The following CASP2 variants were observed in gnomAD, a reference collection of about 807,000 sequenced individuals.
CASP2 encodes the protein caspase-2.
In CASP2, 38 loss-of-function variants were observed where a neutral mutation model predicts 54.4. The observed-to-expected ratio is 0.70, with a 90% CI of 0.54 to 0.92. CASP2 has a LOEUF of 0.92. CASP2 is among the 40% of genes least tolerant of loss of function. CASP2 has a pLI of 0.00. For missense variants in CASP2, 512 were observed against 579.6 expected, an observed-to-expected ratio of 0.88 and a Z score of 1.20; for synonymous variants, 215 against 216.3, an observed-to-expected ratio of 0.99 and a Z score of 0.05.
intron 1 of CASP2, among the ~76,000 whole-genome samples, chr7:143,291,314 A>G (rs913146124): frequency 6.6e-6 from 1 of 152,272 alleles, no homozygotes; most frequent in African/African-American, 2.4e-5. Flanking sequence ...CATTCATCTC[A>G]GATGATCTCA....
intron 2 of CASP2, 110 bp from the exon 3 acceptor site, chr7:143,292,190 T>C (rs1460296533): frequency 1.9e-6 from 2 of 1,080,958 alleles, no homozygotes; most frequent in Admixed American, 1.9e-5. Context: ...CATACACTTT[T>C]CCTGTAAAAA....
At chr7:143,294,424 A>T in intron 5 of CASP2, 100 bp downstream of exon 5, 1 of 1,056,926 alleles carries the variant, frequency 9.5e-7, no homozygotes, top group Non-Finnish European at 1.5e-6. Flanking sequence ...TTTCTGCCTT[A>T]TTAGTCAGAA....
At chr7:143,289,422 A>AT (rs2116756643) in intron 1 of CASP2, among the ~76,000 whole-genome samples, 1 of 152,374 alleles carries the variant, frequency 6.6e-6, no homozygotes, top group African/African-American at 2.4e-5. Flanking sequence ...GTTAAGAACT[A>AT]TAAGTCAGTA....
At chr7:143,298,260 T>A (rs1801815019) in intron 6 of CASP2, among the ~76,000 whole-genome samples, 1 of 152,254 alleles carries the variant, frequency 6.6e-6, no homozygotes, top group Non-Finnish European at 1.5e-5. Flanking sequence ...TATATGTGTG[T>A]TTTAACTCTT....
At chr7:143,298,231 G>A (rs1017015783) in intron 6 of CASP2, among the ~76,000 whole-genome samples, 3 of 152,120 alleles carry the variant, frequency 2.0e-5, no homozygotes, top group African/African-American at 4.8e-5. Context: ...TTTTTATTTT[G>A]GCAGTGTGTG....
chr7:143,293,136 T>G lies in CASP2; in HGVS notation c.475+438T>G, dbSNP rs1424788833. ...TTTGTTTTTTTTTTTTTTTGTTGTG[T>G]TTTTTTTCAGAAATAGGGTCTTGTT... On this transcript the variant is annotated intron_variant, in intron 4 of 10. Transcript: ENST00000310447. 7.7e-6 allele frequency: 5 copies of G among 652,774 alleles called. No homozygotes were observed. The African/African-American group carries it at 7.7e-5, about 10-fold the overall frequency. The allele number at this position is 652,774 out of a possible 1,614,324, so 40.4% of individuals were successfully genotyped here.
At position 143,292,241 on chromosome 7, in the gene CASP2, G is replaced by A. The variant is rs1801597231; in HGVS notation, c.226-59G>A. On this transcript the variant is annotated intron_variant, in intron 2 of 10. Coordinates refer to ENST00000310447, the MANE Select transcript of CASP2 (RefSeq NM_032982.4). ...GACACTACTAGGAAGCTCATGTGGA[G>A]AAATAGAATTATAGCTAGAGAAGTA... 3 of 1,568,246 alleles carry A rather than the reference G, an allele frequency of 1.9e-6. No individual in the cohort carries two copies. In the African/African-American group the frequency reaches 4.0e-5, roughly 21 times the overall value.
At chr7:143,296,010 A>C in intron 6 of CASP2, among the ~76,000 whole-genome samples, 1 of 152,226 alleles carries the variant, frequency 6.6e-6, no homozygotes, top group East Asian at 1.9e-4. Context: ...GTTTTGGTCT[A>C]GCCATGTCTT....
intron 6 of CASP2, among the ~76,000 whole-genome samples, chr7:143,295,563 A>G (rs760409717): frequency 3.0e-4 from 46 of 152,194 alleles, no homozygotes; most frequent in Non-Finnish European, 3.2e-4. Context: ...ACTTTCTTCA[A>G]CTTGCTTTGA....
At chr7:143,292,551 A>AT in intron 3 of CASP2, 66 bp from the exon 4 acceptor site, 2 of 1,603,822 alleles carry the variant, frequency 1.2e-6, no homozygotes, top group Non-Finnish European at 8.5e-7. Flanking sequence ...GGGAGACTAG[A>AT]TTTTGTTGTA....
Position 143,288,433 on chromosome 7 carries a change from G to T in CASP2, c.-23G>T, listed in dbSNP as rs780417725. ...GTTTGGGCTGTGGGCGGTGCGCAGCGGAGAGCCCGGGAAAAGCGGGAAATG... is the reference window on the plus strand; with the variant it reads ...GTTTGGGCTGTGGGCGGTGCGCAGCTGAGAGCCCGGGAAAAGCGGGAAATG... On this transcript the variant is annotated 5_prime_UTR_variant, in exon 1 of 11. Coordinates refer to ENST00000310447, the MANE Select transcript of CASP2 (RefSeq NM_032982.4). The T allele has an allele frequency of 1.2e-6, 2 of 1,611,334 alleles. No homozygotes were observed. The highest frequency in any genetic ancestry group is 3.3e-5 in the Admixed American group (2 of 59,942).
chr7:143,293,356 G>C (rs1256901281), intron 4 of CASP2: 4 of 427,802 alleles, frequency 9.4e-6, no homozygotes, highest in African/African-American at 8.2e-5. Flanking sequence ...TCAAACTTCT[G>C]GCCTCAAATG....
At chr7:143,289,065 C>T (rs546194891) in intron 1 of CASP2, among the ~76,000 whole-genome samples, 1 of 152,260 alleles carries the variant, frequency 6.6e-6, no homozygotes, top group East Asian at 1.9e-4. Flanking sequence ...CAAGGGGGTT[C>T]CTGTGGCTCC....
chr7:143,302,495 G>A (rs1313966820), intron 8 of CASP2: 2 of 152,138 alleles, frequency 1.3e-5, no homozygotes, highest in Non-Finnish European at 2.9e-5. Flanking sequence ...CCCTGCCCCA[G>A]TCAGCTTCTA....
intron 6 of CASP2, 128 bp downstream of exon 6, chr7:143,294,901 TACTC>T: frequency 1.2e-6 from 1 of 821,556 alleles, no homozygotes; most frequent in Non-Finnish European, 2.0e-6. Flanking sequence ...CTTACATTTT[TACTC>T]ACTCTGTTCT....
rs1801861137 is a variant in CASP2, at chr7:143,299,784, CTTCTT to C, written c.748-136_748-132del. 1.3e-5 allele frequency: 12 copies of C among 919,372 alleles called. No homozygotes were observed. In the South Asian group the frequency reaches 1.7e-4, roughly 13 times the overall value. The allele number at this position is 919,372 out of a possible 1,614,324, so 57.0% of individuals were successfully genotyped here. A position where few individuals can be genotyped will look rare whatever the true frequency, so the allele number is the denominator to read the frequency against. On this transcript the variant is annotated intron_variant, in intron 6 of 10. Transcript: ENST00000310447. ...CTTTCTTTAGTCTCTCAAAAGGTCT[CTTCTT>C]TTATCATTGACCACAGGAATATACA... is the stretch of plus-strand genomic sequence containing the variant.
At position 143,301,401 on chromosome 7, in the gene CASP2, C is replaced by G. The variant is rs181349089; in HGVS notation, c.967+1107C>G. On this transcript the variant is annotated intron_variant, in intron 8 of 10. Transcript: ENST00000310447. ...ACTACGGCAGTTACTACCGCAAAAG[C>G]AGAAGGAAATGTGGCCTCTCTAAGG... is the stretch of plus-strand genomic sequence containing the variant. 1.7e-3 allele frequency: 264 copies of G among 152,064 alleles called. 3 individuals are homozygous for G. The highest frequency in any genetic ancestry group is 6.2e-3 in the African/African-American group (256 of 41,492). The allele number at this position is 152,064 out of a possible 1,614,324, so 9.4% of individuals were successfully genotyped here.
At chr7:143,289,646 C>T (rs1801492947) in intron 1 of CASP2, 6 of 978,014 alleles carry the variant, frequency 6.1e-6, no homozygotes, top group Non-Finnish European at 7.3e-6. Flanking sequence ...AAGAAATCTG[C>T]TGCACCACTG....
intron 8 of CASP2, 43 bp from the exon 9 acceptor site, chr7:143,303,741 G>A (rs753457054): frequency 6.3e-7 from 1 of 1,599,332 alleles, no homozygotes; most frequent in East Asian, 2.2e-5. Flanking sequence ...AGAGAGATAG[G>A]AAGAAGTAAC....
Sources: allele counts gnomAD v4.1 joint callset (sites outside exome capture counted in the v4.1 genomes callset), GRCh38; gene constraint gnomAD v4.1.1; transcripts MANE v1.5; gene names NCBI Gene and HGNC (gene_info 2026-07-23, HGNC 2026-07-21).